Variants in ESRRB observed in about 807,000 individuals in gnomAD.
ESRRB encodes the protein steroid hormone receptor ERR2.
In ESRRB, 16 loss-of-function variants were observed where a neutral mutation model predicts 46.0. The observed-to-expected ratio is 0.35, with a 90% CI of 0.24 to 0.53. The LOEUF is 0.53. Among genes scored for constraint, ESRRB ranks in the 20% least tolerant of loss-of-function variants. The pLI is 0.93. For missense variants in ESRRB, 488 were observed against 607.4 expected (o/e 0.80, Z 2.07); for synonymous variants, 246 against 259.6 (o/e 0.95, Z 0.50).
At chr14:76,321,154 A>G (rs550790960) in intron 1 of ESRRB, among the ~76,000 whole-genome samples, 4 of 152,252 alleles carry the variant, frequency 2.6e-5, no homozygotes, top group African/African-American at 7.2e-5. Flanking sequence ...CCTTAACTCT[A>G]TTGGTCTCTG....
intron 1 of ESRRB, among the ~76,000 whole-genome samples, chr14:76,413,541 A>C (rs10149222): frequency 0.35 from 52,599 of 151,962 alleles, 9,657 homozygotes; most frequent in African/African-American, 0.48. Flanking sequence ...TTCCCTGACT[A>C]CCTTACACTA....
rs149380274 is a variant in ESRRB at position 76,484,836 on chromosome 14, A to G, written c.850+2077A>G. Among the ~76,000 whole-genome samples the G allele has an allele frequency of 5.8e-3, 889 of 152,254 alleles. 5 individuals carry two copies. The highest frequency in any genetic ancestry group is 0.016 in the South Asian group (79 of 4,814). Reference sequence around the variant, plus strand: ...TTACTGGCCTTATGCAAGATACTGAATTTTTCGGAGCTTCAGTGTCCTTGT... The same window carrying G: ...TTACTGGCCTTATGCAAGATACTGAGTTTTTCGGAGCTTCAGTGTCCTTGT... On this transcript the variant is annotated intron_variant, in intron 5 of 6. Transcript: ENST00000644823.
At position 76,318,482 on chromosome 14, in the gene ESRRB, C is replaced by T. The variant is rs1265699154; in HGVS notation, c.2+7566C>T. 3.3e-5 allele frequency among the ~76,000 whole-genome samples: 5 copies of T among 152,180 alleles called. No individual in the cohort carries two copies. The East Asian group carries it at 9.6e-4, about 29-fold the overall frequency. On this transcript the variant is annotated intron_variant, in intron 1 of 6. Coordinates refer to the ESRRB transcript ENST00000512784. The stretch of plus-strand genomic sequence containing the variant: ...ACTAAATGATTCCCCCTAATGGTGA[C>T]CTCCATGAAACAGTTTTGGTGAAAA...
intron 3 of ESRRB, among the ~76,000 whole-genome samples, chr14:76,480,464 A>G (rs1213840750): frequency 6.6e-6 from 1 of 152,198 alleles, no homozygotes; most frequent in African/African-American, 2.4e-5. Context: ...CATTCAGTAA[A>G]CAAAGTAATT....
chr14:76,463,463 T>TTTTTTTTTTTTTTC (rs1315519307), intron 3 of ESRRB: 1 of 130,892 alleles, frequency 7.6e-6, no homozygotes, highest in African/African-American at 2.8e-5. Context: ...TTTTTTTTTT[T>TTTTTTTTTTTTTTC]GGAGACGGAG....
At chr14:76,420,563 G>GTA (rs1380501201) in intron 1 of ESRRB, among the ~76,000 whole-genome samples, 1 of 116,864 alleles carries the variant, frequency 8.6e-6, no homozygotes, top group East Asian at 3.7e-4. Context: ...GTGTGAGTGT[G>GTA]TGTGTGTGTG....
intron 1 of ESRRB, among the ~76,000 whole-genome samples, chr14:76,425,510 C>T (rs1331064334): frequency 6.6e-6 from 1 of 151,902 alleles, no homozygotes; most frequent in East Asian, 1.9e-4. Context: ...CTGCCCCTCC[C>T]TCCTCACCTC....
chr14:76,366,541 C>G (rs149090552), upstream of ESRRB, among the ~76,000 whole-genome samples: 1 of 152,216 alleles, frequency 6.6e-6, no homozygotes, highest in African/African-American at 2.4e-5. Flanking sequence ...GCTACCGTCA[C>G]TTGACCCTCC....
At chr14:76,413,120 A>G (rs1178586956) in intron 1 of ESRRB, among the ~76,000 whole-genome samples, 2 of 152,204 alleles carry the variant, frequency 1.3e-5, no homozygotes, top group African/African-American at 4.8e-5. Context: ...CAGACCCAGC[A>G]TTGCAGGAGA....
intron 2 of ESRRB, among the ~76,000 whole-genome samples, chr14:76,461,597 C>T (rs1192522640): frequency 1.3e-5 from 2 of 151,742 alleles, no homozygotes; most frequent in Non-Finnish European, 2.9e-5. Flanking sequence ...CAACCTCTAC[C>T]TCCCGGGTTC....
chr14:76,478,205 C>T (rs749602788), intron 3 of ESRRB, among the ~76,000 whole-genome samples: 19 of 152,150 alleles, frequency 1.2e-4, no homozygotes, highest in Non-Finnish European at 2.5e-4. Context: ...CTGGCCTTAA[C>T]GGGTGCCTAG....
intron 1 of ESRRB, among the ~76,000 whole-genome samples, chr14:76,408,521 G>A (rs1481023636): frequency 6.7e-6 from 1 of 149,026 alleles, no homozygotes; most frequent in Non-Finnish European, 1.5e-5. Flanking sequence ...GAGCCTGGGA[G>A]GTCAAGGCTG....
chr14:76,325,955 AG>A (rs963575367), intron 1 of ESRRB, among the ~76,000 whole-genome samples: 2 of 152,156 alleles, frequency 1.3e-5, no homozygotes, highest in Admixed American at 6.5e-5. Flanking sequence ...GCAGCCCCCC[AG>A]CCCTATGCCA....
intron 3 of ESRRB, among the ~76,000 whole-genome samples, chr14:76,468,843 A>G (rs964662907): frequency 1.3e-5 from 2 of 152,104 alleles, no homozygotes; most frequent in African/African-American, 4.8e-5. Context: ...ATCCAGAGGC[A>G]ATTTTGAATC....
intron 3 of ESRRB, among the ~76,000 whole-genome samples, chr14:76,475,368 CG>C (rs1889539317): frequency 8.4e-6 from 1 of 119,516 alleles, no homozygotes; most frequent in African/African-American, 3.2e-5. Context: ...GACCTTGCCT[CG>C]AAAAAAAAAA....
chr14:76,382,134 T>A (rs911077652), intron 1 of ESRRB, among the ~76,000 whole-genome samples: 12 of 152,216 alleles, frequency 7.9e-5, no homozygotes, highest in Admixed American at 7.9e-4. Context: ...CAAGAGAGTT[T>A]CCACCGTGGG....
intron 1 of ESRRB, among the ~76,000 whole-genome samples, chr14:76,412,860 A>G (rs1886502071): frequency 6.6e-6 from 1 of 152,190 alleles, no homozygotes; most frequent in Non-Finnish European, 1.5e-5. Flanking sequence ...TCAGGCCTCT[A>G]ATCCAAATGA....
intron 1 of ESRRB, among the ~76,000 whole-genome samples, chr14:76,389,787 C>T (rs144851935): frequency 5.6e-4 from 85 of 152,308 alleles, no homozygotes; most frequent in African/African-American, 1.8e-3. Context: ...ATGGTATAAA[C>T]TTATAATTAA....
In ESRRB at chr14:76,451,838, G is replaced by A. The variant is rs142762834; in HGVS notation, c.461-10707G>A. ...AGTAAAGACAGGGTTTCACTGTGTTGGCCAGGCTGATCTTGAACTCCTGAC... is the reference window on the plus strand; with the variant it reads ...AGTAAAGACAGGGTTTCACTGTGTTAGCCAGGCTGATCTTGAACTCCTGAC... On this transcript the variant is annotated intron_variant, in intron 2 of 6. Transcript: ENST00000644823. Among the ~76,000 whole-genome samples the A allele has an allele frequency of 5.9e-3, 860 of 145,112 alleles. 9 individuals are homozygous for A. The highest frequency in any genetic ancestry group is 0.021 in the African/African-American group (816 of 38,834).
Sources: allele counts gnomAD v4.1 joint callset (sites outside exome capture counted in the v4.1 genomes callset), GRCh38; gene constraint gnomAD v4.1.1; transcripts MANE v1.5; gene names NCBI Gene and HGNC (gene_info 2026-07-23, HGNC 2026-07-21).